CCDC117: variants seen among roughly 807,000 people sequenced by gnomAD.
CCDC117 encodes the protein coiled-coil domain containing 117, also known as coiled-coil domain-containing protein 117.
CCDC117 carries 1 observed loss-of-function variant against 23.5 expected under a neutral mutation model. The observed-to-expected ratio is 0.04, with a 90% CI of 0.02 to 0.20. The LOEUF is 0.20. Ranked by LOEUF, CCDC117 falls within the 10% of genes least tolerant of loss-of-function variation. The pLI, the probability that CCDC117 is intolerant of heterozygous loss-of-function variation, is 1.00. For synonymous variants in CCDC117, 132 were observed against 124.8 expected (o/e 1.06, Z -0.39); for missense variants, 383 against 348.2 (o/e 1.10, Z -0.80).
In CCDC117 at chr22:28,786,186, G is replaced by T; in HGVS notation, c.700G>T (p.Glu234Ter). The T allele has an allele frequency of 6.2e-7, 1 of 1,614,150 alleles. No individual in the cohort carries two copies. Among genetic ancestry groups the T allele is most frequent in the Non-Finnish European group, 8.5e-7 (1 of 1,180,006 alleles). The change falls in exon 5 of 5, where the codon GAG becomes TAG. Residue 234 changes from glutamate (E) to a stop codon, truncating the protein, a stop_gained. Coordinates refer to ENST00000249064, the MANE Select transcript of CCDC117 (RefSeq NM_173510.4). LOFTEE classifies it high-confidence loss of function. ...CTCTAATACTAAGAACTATACAGGA[G>T]AGAGCCAAGCTAAGCATGTAGCTGC... is the stretch of plus-strand genomic sequence containing the variant. ...PSSNTKNYTG[E>*]SQAKHVAAGT...
At chr22:28,773,062 A>T in intron 1 of CCDC117, 28 bp downstream of exon 1, 99 of 597,708 alleles carry the variant, frequency 1.7e-4, no homozygotes, top group Non-Finnish European at 2.0e-4. Context: ...CGCAGGGCGC[A>T]GGGCGGGCGG....
chr22:28,779,195 T>TAG (rs1569198167), intron 2 of CCDC117, among the ~76,000 whole-genome samples: 1 of 88,208 alleles, frequency 1.1e-5, no homozygotes, highest in Non-Finnish European at 2.2e-5. Context: ...TATCACATAC[T>TAG]TTATTTATTT....
Position 28,786,148 on chromosome 22 carries a change from A to C in CCDC117, c.662A>C (p.Lys221Thr), listed in dbSNP as rs2031501440. The C allele has an allele frequency of 6.2e-7, 1 of 1,614,118 alleles. No individual in the cohort carries two copies. The highest frequency in any genetic ancestry group is 2.2e-5 in the East Asian group (1 of 44,882). Residue 221 changes from lysine to threonine, a missense_variant, in exon 5 of 5, where the codon AAG becomes ACG. Transcript: ENST00000249064. ...CCCCTCCCTGAACTCCTTTCTGATAAGCCAAAGCCATCCTCTAATACTAAG... is the reference window on the plus strand; with the variant it reads ...CCCCTCCCTGAACTCCTTTCTGATACGCCAAAGCCATCCTCTAATACTAAG... Reference protein sequence around the residue: ...WKPLPELLSDKPKPSSNTKNY... With the variant: ...WKPLPELLSDTPKPSSNTKNY...
chr22:28,783,732 C>G, intron 4 of CCDC117, 87 bp downstream of exon 4: 1 of 1,230,270 alleles, frequency 8.1e-7, no homozygotes, highest in Non-Finnish European at 1.2e-6. Context: ...TCCTCATTAG[C>G]TCTTTTTATC....
intron 3 of CCDC117, 36 bp downstream of exon 3, chr22:28,781,208 T>C: frequency 1.5e-6 from 2 of 1,306,498 alleles, no homozygotes; most frequent in Non-Finnish European, 2.2e-6. Context: ...TTTTTTGCTG[T>C]TCTCTTGTAA....
chr22:28,783,128 G>A (rs1384892285), intron 3 of CCDC117, among the ~76,000 whole-genome samples: 1 of 151,766 alleles, frequency 6.6e-6, no homozygotes, highest in Non-Finnish European at 1.5e-5. Context: ...TGCAACCTCC[G>A]CCTCCCGGGT....
At chr22:28,785,177 C>CTTGTT (rs57485961) in intron 4 of CCDC117, among the ~76,000 whole-genome samples, 19,145 of 151,168 alleles carry the variant, frequency 0.13, 1,340 homozygotes, top group South Asian at 0.28. Context: ...AACCATGAAG[C>CTTGTT]TTGTTTTGTT....
At chr22:28,785,151 A>G (rs946386334) in intron 4 of CCDC117, among the ~76,000 whole-genome samples, 10 of 151,816 alleles carry the variant, frequency 6.6e-5, no homozygotes, top group South Asian at 2.1e-4. Flanking sequence ...TGTGTGTAAC[A>G]TAGTCATTTT....
chr22:28,773,900 A>T, intron 2 of CCDC117, 122 bp downstream of exon 2: 1 of 766,836 alleles, frequency 1.3e-6, no homozygotes, highest in East Asian at 2.6e-5. Context: ...GAGACACAGA[A>T]ATTAGTGACA....
chr22:28,782,046 G>GC (rs199600656), intron 3 of CCDC117, among the ~76,000 whole-genome samples: 1,878 of 143,912 alleles, frequency 0.013, 46 homozygotes, highest in African/African-American at 0.046. Context: ...CAACCCATCT[G>GC]CCCCCCTCAG....
rs372188021 is a variant in CCDC117, at chr22:28,777,454, A to G, written c.240-3494A>G. 2.7e-4 allele frequency among the ~76,000 whole-genome samples: 40 copies of G among 150,782 alleles called. No homozygotes were observed. In the East Asian group the frequency reaches 2.7e-3, roughly 10 times the overall value. On this transcript the variant is annotated intron_variant, in intron 2 of 4. Coordinates refer to ENST00000249064, the MANE Select transcript of CCDC117 (RefSeq NM_173510.4). ...AGTTAAAAAGGTTAAAGAAGTTTAG[A>G]TTGTGATTTAATTTATATTTGTTAA...
At chr22:28,777,306 T>C (rs2031193827) in intron 2 of CCDC117, among the ~76,000 whole-genome samples, 1 of 152,148 alleles carries the variant, frequency 6.6e-6, no homozygotes, top group African/African-American at 2.4e-5. Context: ...GTGCTGGAAT[T>C]ACAGTTGTGA....
At chr22:28,774,069 T>TG (rs71316862) in intron 2 of CCDC117, among the ~76,000 whole-genome samples, 6,552 of 132,230 alleles carry the variant, frequency 0.05, 194 homozygotes, top group Non-Finnish European at 0.067. Flanking sequence ...GTTTTGTTTT[T>TG]GTTTTTTTTT....
rs879190599 is a variant in CCDC117 at position 28,783,508 on chromosome 22, G to A, written c.465G>A (p.Arg155=). ...TCTTCTGCTGCCTTAATTGATTTAGGATAATTGATGAAGATGAAGAAGTTG... is the reference window on the plus strand; with the variant it reads ...TCTTCTGCTGCCTTAATTGATTTAGAATAATTGATGAAGATGAAGAAGTTG... ...ARRKLQEIED[R]IIDEDEEVEA... Residue 155 remains arginine, a splice_region_variant and synonymous_variant, in exon 4 of 5, where the codon AGG becomes AGA. Transcript: ENST00000249064. 14 of 1,612,394 alleles carry A rather than the reference G, an allele frequency of 8.7e-6. No homozygotes were observed. Among genetic ancestry groups the A allele is most frequent in the South Asian group, 6.6e-5 (6 of 90,678 alleles).
chr22:28,777,989 G>A lies in CCDC117; in HGVS notation c.240-2959G>A, dbSNP rs998636993. 3.9e-5 allele frequency among the ~76,000 whole-genome samples: 6 copies of A among 151,904 alleles called. 1 individual carries two copies. The highest frequency in any genetic ancestry group is 8.8e-5 in the Non-Finnish European group (6 of 68,002). ...GCCTCCCGAGTAGCTGGGATTACAG[G>A]TGCGTGCCACCACGCCCGGCAAATT... On this transcript the variant is annotated intron_variant, in intron 2 of 4. Transcript: ENST00000249064.
intron 1 of CCDC117, 46 bp from the exon 2 acceptor site, chr22:28,773,679 G>A (rs962332506): frequency 3.4e-6 from 5 of 1,490,122 alleles, no homozygotes; most frequent in South Asian, 2.3e-5. Flanking sequence ...GAAACCACAA[G>A]CTCGAGTACA....
intron 2 of CCDC117, among the ~76,000 whole-genome samples, chr22:28,777,592 C>T (rs1423040296): frequency 1.3e-5 from 2 of 151,584 alleles, no homozygotes; most frequent in Middle Eastern, 3.2e-3. Flanking sequence ...TCACTTTAAC[C>T]TCCACCTCCT....
chr22:28,773,067 G>GGGCA, intron 1 of CCDC117, 33 bp downstream of exon 1: 1 of 456,760 alleles, frequency 2.2e-6, no homozygotes, highest in Non-Finnish European at 2.5e-6. Flanking sequence ...GGCGCAGGGC[G>GGGCA]GGCGGGCGGG....
chr22:28,787,186 T>C lies in CCDC117; in HGVS notation c.*860T>C, dbSNP rs899750488. 6.6e-6 allele frequency: 1 copy of C among 152,308 alleles called. No homozygotes were observed. The highest frequency in any genetic ancestry group is 1.5e-5 in the Non-Finnish European group (1 of 68,032). 9.4% of individuals were successfully genotyped at this position (152,308 alleles called of 1,614,324 possible). A position where few individuals can be genotyped will look rare whatever the true frequency, so the allele number is the denominator to read the frequency against. ...TAATTTTTTTAAAAAGTTATACTTGTATTAGCAAGTTTTTTTTTTTTTCCC... is the reference window on the plus strand; with the variant it reads ...TAATTTTTTTAAAAAGTTATACTTGCATTAGCAAGTTTTTTTTTTTTTCCC... On this transcript the variant is annotated 3_prime_UTR_variant, in exon 5 of 5. Transcript: ENST00000249064.
Sources: gnomAD v4.1 joint callset for allele counts (sites outside exome capture counted in the v4.1 genomes callset) on GRCh38, gnomAD v4.1.1 for gene constraint, MANE v1.5 for transcripts, NCBI Gene and HGNC (gene_info 2026-07-23, HGNC 2026-07-21) for gene names.